Variants in DRC8 observed in about 807,000 individuals in gnomAD.
DRC8 encodes dynein regulatory complex protein 8.
chr1:244,991,020 C>T, the DRC8 span, among the ~76,000 whole-genome samples: 4 of 152,108 alleles, frequency 2.6e-5, no homozygotes, highest in African/African-American at 9.7e-5. Flanking sequence ...GATTTGGTCC[C>T]ACAAGACCAT....
the DRC8 span, among the ~76,000 whole-genome samples, chr1:245,066,041 T>G: frequency 6.6e-6 from 1 of 152,074 alleles, no homozygotes; most frequent in African/African-American, 2.4e-5. Context: ...TTTTGAGGAT[T>G]CTTTACTCAC....
At chr1:245,092,539 A>G in the DRC8 span, among the ~76,000 whole-genome samples, 1 of 152,172 alleles carries the variant, frequency 6.6e-6, no homozygotes, top group African/African-American at 2.4e-5. Flanking sequence ...CTATTTCTGA[A>G]AGCATGGTTG....
At chr1:244,998,348 A>G in the DRC8 span, among the ~76,000 whole-genome samples, 326 of 152,276 alleles carry the variant, frequency 2.1e-3, no homozygotes, top group Admixed American at 2.6e-3. Context: ...AGCTGGGACT[A>G]TAGGTGTGCA....
the DRC8 span, among the ~76,000 whole-genome samples, chr1:245,015,258 G>T: frequency 6.6e-6 from 1 of 152,242 alleles, no homozygotes. Context: ...CTATAGGCAT[G>T]AGCTCCCATG....
the DRC8 span, chr1:245,083,836 T>C: frequency 8.4e-7 from 1 of 1,192,834 alleles, no homozygotes; most frequent in Non-Finnish European, 1.1e-6. Flanking sequence ...TTGGGGATGG[T>C]TTCTGTTCTG....
At chr1:244,994,374 A>G in the DRC8 span, among the ~76,000 whole-genome samples, 181 of 152,306 alleles carry the variant, frequency 1.2e-3, 1 homozygote, top group African/African-American at 4.2e-3. Context: ...TTTGTTTGAG[A>G]TAAGCTGTTC....
At chr1:245,056,563 A>G in the DRC8 span, among the ~76,000 whole-genome samples, 1 of 152,234 alleles carries the variant, frequency 6.6e-6, no homozygotes, top group Non-Finnish European at 1.5e-5. Context: ...CCTGTCCAGA[A>G]GGAGTTTGCA....
chr1:245,088,339 C>CACACACACAT, the DRC8 span, among the ~76,000 whole-genome samples: 1 of 152,048 alleles, frequency 6.6e-6, no homozygotes, highest in Admixed American at 6.5e-5. The surrounding 1 kb of genome is among the most constrained non-coding windows in gnomAD (Gnocchi z 4.6). Flanking sequence ...CACACACACA[C>CACACACACAT]ACACACACAC....
chr1:245,045,366 A>T, the DRC8 span, among the ~76,000 whole-genome samples: 4 of 151,806 alleles, frequency 2.6e-5, no homozygotes, highest in Non-Finnish European at 4.4e-5. Flanking sequence ...TGAACAAAGA[A>T]TTGGACAAAA....
chr1:245,090,114 T>C, the DRC8 span, among the ~76,000 whole-genome samples: 47 of 152,158 alleles, frequency 3.1e-4, no homozygotes, highest in Non-Finnish European at 6.0e-4. Context: ...GGTTTTGTCA[T>C]GTGCGTGAGG....
chr1:245,011,198 C>T, the DRC8 span, among the ~76,000 whole-genome samples: 1 of 152,244 alleles, frequency 6.6e-6, no homozygotes, highest in South Asian at 2.1e-4. Context: ...AACAAAGTTT[C>T]TCTACATAGA....
At chr1:245,091,094 A>G in the DRC8 span, 1 of 152,220 alleles carries the variant, frequency 6.6e-6, no homozygotes, top group East Asian at 1.9e-4. Context: ...TCGGCCGTGC[A>G]TGCTAGAATC....
At chr1:245,019,174 G>A in the DRC8 span, among the ~76,000 whole-genome samples, 162 of 152,260 alleles carry the variant, frequency 1.1e-3, 1 homozygote, top group South Asian at 0.012. Flanking sequence ...GAAAGTGGAT[G>A]TTCTTACAAC....
At chr1:245,022,072 C>T in the DRC8 span, among the ~76,000 whole-genome samples, 4 of 152,070 alleles carry the variant, frequency 2.6e-5, no homozygotes, top group South Asian at 2.1e-4. Context: ...CGAAAGCTAG[C>T]GCCTTGAAAA....
chr1:245,100,789 TAAA>T, the DRC8 span, among the ~76,000 whole-genome samples: 2 of 123,106 alleles, frequency 1.6e-5, no homozygotes, highest in East Asian at 2.4e-4. Flanking sequence ...CTCAACAAAA[TAAA>T]TAATAATAAT....
At chr1:245,055,007 A>G in the DRC8 span, among the ~76,000 whole-genome samples, 18 of 152,200 alleles carry the variant, frequency 1.2e-4, no homozygotes, top group Non-Finnish European at 1.6e-4. Context: ...CCTGCACAGG[A>G]AATGGGTGGC....
At chr1:245,026,250 G>A in the DRC8 span, among the ~76,000 whole-genome samples, 15 of 152,174 alleles carry the variant, frequency 9.9e-5, no homozygotes, top group African/African-American at 2.2e-4. Flanking sequence ...CTTCAGCTTC[G>A]TTAGCAATTG....
the DRC8 span, among the ~76,000 whole-genome samples, chr1:244,996,397 A>C: frequency 1.3e-5 from 2 of 152,116 alleles, no homozygotes; most frequent in South Asian, 2.1e-4. Flanking sequence ...GGACTGCACG[A>C]ATGTGTGAAA....
chr1:244,981,722 A>G, the DRC8 span, among the ~76,000 whole-genome samples: 1 of 152,292 alleles, frequency 6.6e-6, no homozygotes, highest in East Asian at 1.9e-4. Context: ...GGAGGCCTGC[A>G]GTCTTAGGCG....
Sources: gnomAD v4.1 joint callset for allele counts (sites outside exome capture counted in the v4.1 genomes callset) on GRCh38, gnomAD v4.1.1 for gene constraint, Gnocchi (gnomAD v3.1) non-coding constraint, MANE v1.5 for transcripts, NCBI Gene and HGNC (gene_info 2026-07-23, HGNC 2026-07-21) for gene names.